Variants in TMEM233 observed in about 807,000 individuals in gnomAD.
The protein encoded by TMEM233 is transmembrane protein 233, also known as dispanin subfamily B member 2.
In TMEM233, 6 loss-of-function variants were observed where a neutral mutation model predicts 11.2. That is an observed-to-expected ratio of 0.54 (90% CI 0.29 to 1.06). The LOEUF (loss-of-function observed/expected upper bound fraction) is 1.06. TMEM233 is among the 50% of genes least tolerant of loss of function. TMEM233 has a pLI of 0.08. For synonymous variants in TMEM233, 59 were observed against 55.8 expected (o/e 1.06, Z -0.26); for missense variants, 127 against 144.7 (o/e 0.88, Z 0.63).
At chr12:119,606,048 G>C (rs146369710) in intron 1 of TMEM233, among the ~76,000 whole-genome samples, 6 of 152,298 alleles carry the variant, frequency 3.9e-5, no homozygotes, top group African/African-American at 1.4e-4. Flanking sequence ...TTTAGGTGTA[G>C]AAACAGGAGC....
intron 2 of TMEM233, among the ~76,000 whole-genome samples, chr12:119,633,063 G>T (rs2136784496): frequency 6.6e-6 from 1 of 152,190 alleles, no homozygotes; most frequent in African/African-American, 2.4e-5. Context: ...ATGAGAAGGA[G>T]TTGCCTCTTT....
In TMEM233 at chr12:119,640,853, C is replaced by T. The variant is rs77134346; in HGVS notation, c.*148C>T. On this transcript the variant is annotated 3_prime_UTR_variant, in exon 3 of 3. Coordinates refer to ENST00000426426, the MANE Select transcript of TMEM233 (RefSeq NM_001136534.3). ...CAGAGGCAGGTCCCTGGCAAATGAACAAGAAAAAAAAAAAAAAAAAGTCCA... is the reference window on the plus strand; with the variant it reads ...CAGAGGCAGGTCCCTGGCAAATGAATAAGAAAAAAAAAAAAAAAAAGTCCA... 8 of 436,140 alleles carry T rather than the reference C, an allele frequency of 1.8e-5. No individual in the cohort carries two copies. The highest frequency in any genetic ancestry group is 4.7e-5 in the East Asian group (1 of 21,246). The allele number at this position is 436,140 out of a possible 1,614,324, so 27.0% of individuals were successfully genotyped here. A position where few individuals can be genotyped will look rare whatever the true frequency, so the allele number is the denominator to read the frequency against.
At chr12:119,609,818 G>A (rs1037991782) in intron 1 of TMEM233, among the ~76,000 whole-genome samples, 1 of 152,246 alleles carries the variant, frequency 6.6e-6, no homozygotes, top group African/African-American at 2.4e-5. Context: ...TGCTGCAGGA[G>A]TGAAGTCCTC....
chr12:119,637,795 T>C (rs911504182), intron 2 of TMEM233, among the ~76,000 whole-genome samples: 3 of 152,186 alleles, frequency 2.0e-5, no homozygotes, highest in African/African-American at 4.8e-5. Flanking sequence ...TAGCAGCGCA[T>C]TGATGAAGAA....
chr12:119,617,171 G>A (rs760156968), intron 1 of TMEM233, among the ~76,000 whole-genome samples: 7 of 152,202 alleles, frequency 4.6e-5, no homozygotes, highest in Non-Finnish European at 7.3e-5. Context: ...ACAAGAAAAT[G>A]TGGGAAAGTT....
chr12:119,648,956 A>G, the TMEM233 span, among the ~76,000 whole-genome samples: 1 of 152,196 alleles, frequency 6.6e-6, no homozygotes, highest in Non-Finnish European at 1.5e-5. Flanking sequence ...GATGGTTTAG[A>G]AAAAGGAAGA....
chr12:119,623,534 C>G (rs1327078225), intron 1 of TMEM233, among the ~76,000 whole-genome samples: 1 of 139,270 alleles, frequency 7.2e-6, no homozygotes, highest in Non-Finnish European at 1.5e-5. Flanking sequence ...ATGGCAAAAC[C>G]CCATCTCTAC....
chr12:119,608,177 C>A (rs1362398654), intron 1 of TMEM233, among the ~76,000 whole-genome samples: 1 of 152,130 alleles, frequency 6.6e-6, no homozygotes, highest in Admixed American at 6.5e-5. Context: ...TCTTTCTCTA[C>A]CCAAGTAGAA....
Position 119,640,873 on chromosome 12 carries a change from A to AAT in TMEM233, c.*168_*169insAT, listed in dbSNP as rs1955073194. ...ATGAACAAGAAAAAAAAAAAAAAAA[A>AAT]GTCCAAAATTTAGGCAATCCAAGCT... On this transcript the variant is annotated 3_prime_UTR_variant, in exon 3 of 3. Coordinates refer to ENST00000426426, the MANE Select transcript of TMEM233 (RefSeq NM_001136534.3). The AAT allele has an allele frequency of 2.6e-6, 2 of 768,438 alleles. No individual in the cohort carries two copies. Among genetic ancestry groups the AAT allele is most frequent in the Admixed American group, 3.1e-5 (1 of 31,808 alleles). 47.6% of individuals were successfully genotyped at this position (768,438 alleles called of 1,614,324 possible).
chr12:119,644,981 G>T (rs567746915), downstream of TMEM233, among the ~76,000 whole-genome samples: 2 of 152,260 alleles, frequency 1.3e-5, no homozygotes, highest in Non-Finnish European at 2.9e-5. Context: ...ACATGAGAGT[G>T]CCCAGACAGA....
the TMEM233 span, among the ~76,000 whole-genome samples, chr12:119,648,117 T>C: frequency 0.023 from 3,512 of 152,172 alleles, 118 homozygotes; most frequent in African/African-American, 0.08. Context: ...TAGGTCACAG[T>C]TTCTCAGAGA....
chr12:119,614,397 A>C (rs1014538257), intron 1 of TMEM233, among the ~76,000 whole-genome samples: 8 of 149,524 alleles, frequency 5.4e-5, no homozygotes, highest in African/African-American at 2.0e-4. Flanking sequence ...AGAGAGAGAG[A>C]GACTCCATCT....
At chr12:119,599,280 A>G (rs1027289903) in intron 1 of TMEM233, among the ~76,000 whole-genome samples, 1 of 152,210 alleles carries the variant, frequency 6.6e-6, no homozygotes, top group Non-Finnish European at 1.5e-5. Flanking sequence ...AAATAACTTA[A>G]AGAGTGTAAT....
At chr12:119,632,257 G>A (rs1480738276) in intron 2 of TMEM233, among the ~76,000 whole-genome samples, 1 of 152,174 alleles carries the variant, frequency 6.6e-6, no homozygotes, top group African/African-American at 2.4e-5. Context: ...CTATTTTGTA[G>A]ATGAGGAAAC....
chr12:119,605,742 T>G (rs1036339355), intron 1 of TMEM233, among the ~76,000 whole-genome samples: 2 of 152,080 alleles, frequency 1.3e-5, no homozygotes, highest in African/African-American at 4.8e-5. Context: ...CCTTACCCTT[T>G]GATAGGAAAC....
chr12:119,646,221 C>T (rs1955150634), downstream of TMEM233, among the ~76,000 whole-genome samples: 1 of 151,566 alleles, frequency 6.6e-6, no homozygotes, highest in Non-Finnish European at 1.5e-5. Context: ...CCATGCCCAG[C>T]TAATTTTTTG....
intron 2 of TMEM233, among the ~76,000 whole-genome samples, chr12:119,640,153 G>GTT (rs67033306): frequency 3.5e-4 from 53 of 150,964 alleles, no homozygotes; most frequent in Non-Finnish European, 5.8e-4. Flanking sequence ...GTTTGTTGTT[G>GTT]TTGTTTTGTT....
chr12:119,634,030 GGCAAATATCCT>G (rs1389435113), intron 2 of TMEM233, among the ~76,000 whole-genome samples: 1 of 152,316 alleles, frequency 6.6e-6, no homozygotes, highest in Non-Finnish European at 1.5e-5. Context: ...GCCAAACCTT[GGCAAATATCCT>G]GCCACCAAAG....
chr12:119,598,692 C>G (rs1238959959), intron 1 of TMEM233, among the ~76,000 whole-genome samples: 1 of 152,168 alleles, frequency 6.6e-6, no homozygotes, highest in Non-Finnish European at 1.5e-5. Flanking sequence ...GTCTTACATA[C>G]CTGTCTAGAG....
Sources: allele counts gnomAD v4.1 joint callset (sites outside exome capture counted in the v4.1 genomes callset), GRCh38; gene constraint gnomAD v4.1.1; transcripts MANE v1.5; gene names NCBI Gene and HGNC (gene_info 2026-07-23, HGNC 2026-07-21).